The following FGGY variants were observed in gnomAD, a reference collection of about 807,000 sequenced individuals.
FGGY encodes FGGY carbohydrate kinase domain-containing protein.
A neutral mutation model predicts 71.3 loss-of-function variants in FGGY; 72 were observed. The ratio of observed to expected loss-of-function variants is 1.01; its 90% confidence interval spans 0.84 to 1.23. FGGY has a LOEUF of 1.23. Among genes scored for constraint, FGGY ranks in the 50% most tolerant of loss-of-function variants. The pLI, the probability that FGGY is intolerant of heterozygous loss-of-function variation, is 0.00. For synonymous variants in FGGY, 251 were observed against 250.3 expected (o/e 1.00, Z -0.02); for missense variants, 668 against 682.3 (o/e 0.98, Z 0.23).
intron 7 of FGGY, among the ~76,000 whole-genome samples, chr1:59,521,467 C>T (rs2094831613): frequency 6.6e-6 from 1 of 152,096 alleles, no homozygotes; most frequent in African/African-American, 2.4e-5. Context: ...TTGCCAGCTC[C>T]CCATGTGTCC....
upstream of FGGY, among the ~76,000 whole-genome samples, chr1:59,296,383 G>T (rs1457390511): frequency 6.6e-6 from 1 of 152,250 alleles, no homozygotes; most frequent in African/African-American, 2.4e-5. Context: ...GCCTACAACA[G>T]TCCTGGTGTT....
In FGGY at chr1:59,718,016, A is replaced by T. The variant is rs183828222; in HGVS notation, c.1513-39915A>T. ...CACACAGCTGGTATGTAGAGAAACT[A>T]CACTTTGAACCCATGCAGTTTGGCC... On this transcript the variant is annotated intron_variant, in intron 14 of 15. Transcript: ENST00000303721. 2.9e-3 allele frequency among the ~76,000 whole-genome samples: 436 copies of T among 152,296 alleles called. 3 individuals carry two copies. Among genetic ancestry groups the T allele is most frequent in the African/African-American group, 9.5e-3 (395 of 41,568 alleles).
intron 2 of FGGY, among the ~76,000 whole-genome samples, chr1:59,327,826 C>T (rs983742716): frequency 6.6e-6 from 1 of 152,200 alleles, no homozygotes; most frequent in Non-Finnish European, 1.5e-5. Flanking sequence ...TCTCCTTGTA[C>T]ATCTTCATCA....
At chr1:59,386,523 T>C (rs1472594826) in intron 5 of FGGY, among the ~76,000 whole-genome samples, 1 of 152,132 alleles carries the variant, frequency 6.6e-6, no homozygotes, top group Admixed American at 6.6e-5. Context: ...TTCTCCACTC[T>C]AAATTACTCT....
intron 2 of FGGY, among the ~76,000 whole-genome samples, chr1:59,324,523 G>A (rs1041348907): frequency 1.3e-4 from 20 of 151,718 alleles, no homozygotes; most frequent in Admixed American, 2.6e-4. Context: ...TGATCCGCCC[G>A]CCTCGGCCTC....
chr1:59,422,770 A>G (rs747804225), intron 5 of FGGY, among the ~76,000 whole-genome samples: 1 of 152,174 alleles, frequency 6.6e-6, no homozygotes, highest in Non-Finnish European at 1.5e-5. Flanking sequence ...CACTAGGTAA[A>G]TATTAATAAA....
intron 14 of FGGY, among the ~76,000 whole-genome samples, chr1:59,735,338 A>AT (rs2098090925): frequency 6.6e-6 from 1 of 151,776 alleles, no homozygotes; most frequent in African/African-American, 2.4e-5. Flanking sequence ...CCAACCTTCC[A>AT]TTTTTCTCCA....
chr1:59,369,706 T>A (rs1254910969), intron 4 of FGGY, among the ~76,000 whole-genome samples: 2 of 152,152 alleles, frequency 1.3e-5, no homozygotes, highest in Admixed American at 1.3e-4. Flanking sequence ...GATACTCCTC[T>A]GAGACAAAAC....
At chr1:59,403,314 T>C (rs1361584324) in intron 5 of FGGY, among the ~76,000 whole-genome samples, 1 of 152,230 alleles carries the variant, frequency 6.6e-6, no homozygotes, top group African/African-American at 2.4e-5. Flanking sequence ...CTATGTCCAG[T>C]GTACAAATGT....
intron 6 of FGGY, among the ~76,000 whole-genome samples, chr1:59,464,725 A>G (rs1452597095): frequency 1.3e-5 from 2 of 152,220 alleles, no homozygotes; most frequent in East Asian, 1.9e-4. Flanking sequence ...AACTACCATC[A>G]GAGAACACTA....
intron 6 of FGGY, among the ~76,000 whole-genome samples, chr1:59,495,293 C>G (rs2093997027): frequency 6.6e-6 from 1 of 152,036 alleles, no homozygotes; most frequent in Non-Finnish European, 1.5e-5. Flanking sequence ...ACTGTTTACT[C>G]TATTGATAGT....
chr1:59,447,378 G>A (rs552990605), intron 5 of FGGY, among the ~76,000 whole-genome samples: 1 of 152,280 alleles, frequency 6.6e-6, no homozygotes, highest in African/African-American at 2.4e-5. Flanking sequence ...AGCAGCCAAA[G>A]CTCTGGGAGC....
At chr1:59,615,313 T>A (rs2096739905) in intron 9 of FGGY, among the ~76,000 whole-genome samples, 2 of 152,078 alleles carry the variant, frequency 1.3e-5, no homozygotes, top group African/African-American at 4.8e-5. Flanking sequence ...TATAGACCAA[T>A]GAAACAGAAC....
At chr1:59,571,647 C>G (rs1462017367) in intron 8 of FGGY, among the ~76,000 whole-genome samples, 1 of 152,038 alleles carries the variant, frequency 6.6e-6, no homozygotes, top group East Asian at 1.9e-4. Flanking sequence ...CAAGTAAGTA[C>G]AAGAGTATTC....
chr1:59,576,671 C>G (rs1307843521), intron 8 of FGGY, among the ~76,000 whole-genome samples: 2 of 136,472 alleles, frequency 1.5e-5, no homozygotes, highest in African/African-American at 2.8e-5. Context: ...GACAGACAGA[C>G]AGACAGACAC....
At chr1:59,565,752 G>A (rs1390294275) in intron 8 of FGGY, among the ~76,000 whole-genome samples, 1 of 152,182 alleles carries the variant, frequency 6.6e-6, no homozygotes, top group Non-Finnish European at 1.5e-5. Context: ...CCCAGAGCCT[G>A]ATGAGAACTG....
At chr1:59,599,686 CAAAAAAAAAAAA>C (rs76397509) in intron 8 of FGGY, among the ~76,000 whole-genome samples, 17 of 49,428 alleles carry the variant, frequency 3.4e-4, no homozygotes, top group African/African-American at 1.2e-3. Context: ...GAGCAAGACT[CAAAAAAAAAAAA>C]AAAAAAAAAG....
chr1:59,606,505 T>A (rs1558520574), intron 8 of FGGY, among the ~76,000 whole-genome samples: 1 of 152,192 alleles, frequency 6.6e-6, no homozygotes, highest in Non-Finnish European at 1.5e-5. Flanking sequence ...ACCTTTTTAG[T>A]CATTGGCTGT....
intron 4 of FGGY, among the ~76,000 whole-genome samples, chr1:59,375,446 T>C (rs1402078881): frequency 6.6e-6 from 1 of 152,166 alleles, no homozygotes; most frequent in African/African-American, 2.4e-5. Context: ...GGAATATTGC[T>C]ATCTTCCCTT....
Sources: allele counts gnomAD v4.1 joint callset (sites outside exome capture counted in the v4.1 genomes callset), GRCh38; gene constraint gnomAD v4.1.1; transcripts MANE v1.5; gene names NCBI Gene and HGNC (gene_info 2026-07-23, HGNC 2026-07-21).